Variants in FARS2 observed in about 807,000 individuals in gnomAD.
FARS2 encodes the protein phenylalanyl-tRNA synthetase 2, mitochondrial, also known as phenylalanine--tRNA ligase, mitochondrial.
FARS2 carries 40 observed loss-of-function variants against 46.4 expected under a neutral mutation model. That is an observed-to-expected ratio of 0.86 (90% CI 0.67 to 1.12). FARS2 has a LOEUF of 1.12. FARS2 is among the 50% of genes most tolerant of loss of function. The pLI is 0.00. For synonymous variants in FARS2, 234 were observed against 214.9 expected (o/e 1.09, Z -0.78); for missense variants, 513 against 567.9 (o/e 0.90, Z 0.98).
intron 1 of FARS2, among the ~76,000 whole-genome samples, chr6:5,346,063 C>T (rs1220256326): frequency 6.6e-6 from 1 of 152,188 alleles, no homozygotes; most frequent in Non-Finnish European, 1.5e-5. Flanking sequence ...GCGTCCTGTC[C>T]ACCTCACCCT....
At chr6:5,364,461 G>A (rs1581891246) in intron 1 of FARS2, among the ~76,000 whole-genome samples, 1 of 152,024 alleles carries the variant, frequency 6.6e-6, no homozygotes, top group Non-Finnish European at 1.5e-5. Context: ...CATACTTCAC[G>A]TCCACATTTG....
chr6:5,364,619 CTTTGTG>C (rs1758529086), intron 1 of FARS2, among the ~76,000 whole-genome samples: 4 of 152,168 alleles, frequency 2.6e-5, no homozygotes, highest in Non-Finnish European at 5.9e-5. Context: ...AGTATTTAGG[CTTTGTG>C]AGCAACACAA....
intron 1 of FARS2, among the ~76,000 whole-genome samples, chr6:5,296,835 T>C (rs143783432): frequency 1.3e-5 from 2 of 152,314 alleles, no homozygotes; most frequent in African/African-American, 4.8e-5. Flanking sequence ...CAGAGGACAC[T>C]TGGGTTGCTT....
chr6:5,429,279 G>A (rs1763027511), intron 3 of FARS2, among the ~76,000 whole-genome samples: 1 of 152,076 alleles, frequency 6.6e-6, no homozygotes, highest in Non-Finnish European at 1.5e-5. Flanking sequence ...ATAAGAGGGG[G>A]AAATATTGTA....
intron 6 of FARS2, among the ~76,000 whole-genome samples, chr6:5,742,399 C>T (rs1040068084): frequency 7.9e-5 from 12 of 152,128 alleles, no homozygotes; most frequent in Admixed American, 1.3e-4. Flanking sequence ...GGGATGAGAG[C>T]GGGGAGAGGG....
At chr6:5,667,765 C>T (rs1454676937) in intron 6 of FARS2, among the ~76,000 whole-genome samples, 2 of 152,158 alleles carry the variant, frequency 1.3e-5, no homozygotes, top group African/African-American at 4.8e-5. Context: ...GGAGACCCAG[C>T]CATGCAAAGG....
intron 4 of FARS2, among the ~76,000 whole-genome samples, chr6:5,508,822 G>T (rs1020034496): frequency 6.6e-6 from 1 of 151,822 alleles, no homozygotes; most frequent in African/African-American, 2.4e-5. Flanking sequence ...GAGGTGGACA[G>T]AATTTGAATC....
intron 1 of FARS2, among the ~76,000 whole-genome samples, chr6:5,297,597 A>G (rs3863215): frequency 0.47 from 72,108 of 151,872 alleles, 17,857 homozygotes; most frequent in East Asian, 0.71. Flanking sequence ...GCAGTGAGCC[A>G]AGATCGTGCC....
chr6:5,266,980 T>C (rs1561919020), intron 1 of FARS2, among the ~76,000 whole-genome samples: 2 of 152,236 alleles, frequency 1.3e-5, no homozygotes, highest in Non-Finnish European at 2.9e-5. Flanking sequence ...GATATACTTA[T>C]GAAAATCTGT....
At chr6:5,513,099 G>A (rs1018425120) in intron 4 of FARS2, among the ~76,000 whole-genome samples, 1 of 152,184 alleles carries the variant, frequency 6.6e-6, no homozygotes, top group Admixed American at 6.5e-5. Context: ...CTAGGGGAGA[G>A]GGTGGACACT....
At chr6:5,744,922 C>T (rs1184690624) in intron 6 of FARS2, among the ~76,000 whole-genome samples, 3 of 152,110 alleles carry the variant, frequency 2.0e-5, no homozygotes, top group African/African-American at 7.2e-5. Flanking sequence ...TTGGATTTGG[C>T]AATTAAATGT....
At chr6:5,322,384 G>C (rs1237924793) in intron 1 of FARS2, among the ~76,000 whole-genome samples, 1 of 152,132 alleles carries the variant, frequency 6.6e-6, no homozygotes, top group Non-Finnish European at 1.5e-5. Context: ...TAGAAAAGTT[G>C]GTTATGAACC....
At chr6:5,459,455 G>A (rs1322368017) in intron 4 of FARS2, among the ~76,000 whole-genome samples, 1 of 151,766 alleles carries the variant, frequency 6.6e-6, no homozygotes, top group East Asian at 1.9e-4. Context: ...CACTTTTGTG[G>A]GAACTTCTTT....
intron 4 of FARS2, among the ~76,000 whole-genome samples, chr6:5,444,690 A>G (rs2127795021): frequency 6.6e-6 from 1 of 152,202 alleles, no homozygotes; most frequent in East Asian, 1.9e-4. Context: ...CCATATATAA[A>G]TTAGATGGAT....
intron 1 of FARS2, among the ~76,000 whole-genome samples, chr6:5,362,104 T>A (rs1561984754): frequency 6.6e-6 from 1 of 152,226 alleles, no homozygotes; most frequent in Non-Finnish European, 1.5e-5. Flanking sequence ...TTCGAAATGT[T>A]ACTTCTTAGA....
intron 6 of FARS2, among the ~76,000 whole-genome samples, chr6:5,675,011 C>G (rs1778684530): frequency 6.6e-6 from 1 of 152,126 alleles, no homozygotes; most frequent in Non-Finnish European, 1.5e-5. Flanking sequence ...TGCTTTCTAC[C>G]AATATTTCCC....
At chr6:5,754,556 G>A (rs1367261723) in intron 6 of FARS2, among the ~76,000 whole-genome samples, 1 of 152,174 alleles carries the variant, frequency 6.6e-6, no homozygotes, top group Non-Finnish European at 1.5e-5. Flanking sequence ...TCCTTTATGA[G>A]TTCATTTTCC....
chr6:5,463,889 G>T (rs534066662), intron 4 of FARS2, among the ~76,000 whole-genome samples: 9 of 152,248 alleles, frequency 5.9e-5, no homozygotes, highest in Non-Finnish European at 1.3e-4. Context: ...GTAATAGCCA[G>T]CTGGGAAAGG....
At chr6:5,293,628 TCAC>T in intron 1 of FARS2, among the ~76,000 whole-genome samples, 1 of 152,354 alleles carries the variant, frequency 6.6e-6, no homozygotes, top group East Asian at 1.9e-4. Flanking sequence ...TCATAGATAT[TCAC>T]TTTTATTTAA....
Sources: gnomAD v4.1 joint callset for allele counts (sites outside exome capture counted in the v4.1 genomes callset) on GRCh38, gnomAD v4.1.1 for gene constraint, MANE v1.5 for transcripts, NCBI Gene and HGNC (gene_info 2026-07-23, HGNC 2026-07-21) for gene names.